The following FRAS1 variants were observed in gnomAD, a reference collection of about 807,000 sequenced individuals.
FRAS1 encodes the protein extracellular matrix organizing protein FRAS1.
A neutral mutation model predicts 435.2 loss-of-function variants in FRAS1; 290 were observed. The observed-to-expected ratio is 0.67, with a 90% CI of 0.61 to 0.73. FRAS1 has a LOEUF of 0.73. Among genes scored for constraint, FRAS1 ranks in the 30% least tolerant of loss-of-function variants. The pLI is 0.00. For missense variants in FRAS1, 4,860 were observed against 5,001.5 expected, an observed-to-expected ratio of 0.97 and a Z score of 0.85; for synonymous variants, 1,800 against 1,851.0, an observed-to-expected ratio of 0.97 and a Z score of 0.71.
chr4:78,429,136 A>G lies in FRAS1; in HGVS notation c.4753A>G (p.Ile1585Val), dbSNP rs1734114904. The change falls in exon 36 of 74, where the codon ATT becomes GTT. Residue 1585 changes from isoleucine to valine, a missense_variant. Ile to Val is a conservative substitution (Grantham distance 29, BLOSUM62 3). Coordinates refer to ENST00000512123, the MANE Select transcript of FRAS1 (RefSeq NM_025074.7). Reference protein sequence around the residue: ...EHTSPEMVLTIHLLPSDQQLP... With the variant: ...EHTSPEMVLTVHLLPSDQQLP... ...CACAAGTCCGGAGATGGTCCTCACC[A>G]TTCACTTACTTCCCAGTGATCAGCA... The G allele has an allele frequency of 6.3e-7, 1 of 1,577,096 alleles. No individual in the cohort carries two copies. Among genetic ancestry groups the G allele is most frequent in the Non-Finnish European group, 8.6e-7 (1 of 1,161,184 alleles).
At chr4:78,167,052 A>T (rs1721360405) in intron 2 of FRAS1, among the ~76,000 whole-genome samples, 1 of 152,222 alleles carries the variant, frequency 6.6e-6, no homozygotes, top group South Asian at 2.1e-4. Context: ...TGTTTAGCCC[A>T]TTGCGTAGTG....
At chr4:78,440,930 T>C (rs1734632231) in intron 40 of FRAS1, among the ~76,000 whole-genome samples, 2 of 151,782 alleles carry the variant, frequency 1.3e-5, no homozygotes, top group Non-Finnish European at 1.5e-5. Flanking sequence ...GAGTGCAACT[T>C]TGAAGGGAGA....
rs149848271 is a variant in FRAS1, at chr4:78,344,098, G to T, written c.2422+6281G>T. On this transcript the variant is annotated intron_variant, in intron 20 of 73. Coordinates refer to ENST00000512123, the MANE Select transcript of FRAS1 (RefSeq NM_025074.7). ...CTACCCATCCATCCCTCAATGCCTG[G>T]TTCAGATTCCTTCCCCTCCAGGACC... Among the ~76,000 whole-genome samples the T allele has an allele frequency of 8.2e-3, 1,122 of 136,872 alleles. 17 individuals are homozygous for T. The highest frequency in any genetic ancestry group is 0.032 in the African/African-American group (1,045 of 33,118). The allele number at this position is 136,872 out of a possible 152,430, so 89.8% of individuals were successfully genotyped here.
At chr4:78,151,712 C>G (rs1296283814) in intron 2 of FRAS1, among the ~76,000 whole-genome samples, 1 of 152,124 alleles carries the variant, frequency 6.6e-6, no homozygotes, top group Non-Finnish European at 1.5e-5. Context: ...ACAAGTTCCT[C>G]TAGGTGTAAT....
At chr4:78,129,783 G>A (rs1719592694) in intron 2 of FRAS1, among the ~76,000 whole-genome samples, 1 of 152,082 alleles carries the variant, frequency 6.6e-6, no homozygotes, top group African/African-American at 2.4e-5. Flanking sequence ...ATTGATCTGA[G>A]GCCGAGGTCC....
intron 20 of FRAS1, among the ~76,000 whole-genome samples, chr4:78,343,920 C>G (rs1037273872): frequency 2.0e-5 from 3 of 152,142 alleles, no homozygotes; most frequent in Non-Finnish European, 2.9e-5. Flanking sequence ...CGCCCTATAT[C>G]TTGCTGTGGC....
intron 20 of FRAS1, among the ~76,000 whole-genome samples, chr4:78,356,962 A>G (rs1730881934): frequency 1.3e-5 from 2 of 152,064 alleles, no homozygotes; most frequent in Admixed American, 6.6e-5. Flanking sequence ...TTGACTTACA[A>G]TGTCTTGCAA....
Position 78,540,897 on chromosome 4 carries a change from C to A in FRAS1, c.11812C>A (p.Pro3938Thr). 5 of 1,613,906 alleles carry A rather than the reference C, an allele frequency of 3.1e-6. No individual in the cohort carries two copies. Among genetic ancestry groups the A allele is most frequent in the Non-Finnish European group, 4.2e-6 (5 of 1,179,876 alleles). ...RKCQKQRKKK[P>T]AEDILEEYPL... ...ATGCCAGAAACAGAGGAAGAAGAAG[C>A]CCGCAGAGGACATTTTGGAAGAATA... Residue 3938 changes from proline (P) to threonine (T), a missense_variant, in exon 74 of 74, where the codon CCC (proline) becomes ACC (threonine). Coordinates refer to ENST00000512123, the MANE Select transcript of FRAS1 (RefSeq NM_025074.7).
intron 1 of FRAS1, among the ~76,000 whole-genome samples, chr4:78,065,378 T>A (rs1414308822): frequency 6.6e-6 from 1 of 151,748 alleles, no homozygotes; most frequent in Non-Finnish European, 1.5e-5. Context: ...CATTTCAACA[T>A]CCTTAGAAAG....
intron 64 of FRAS1, among the ~76,000 whole-genome samples, chr4:78,511,990 T>C (rs1721057102): frequency 6.6e-6 from 1 of 152,216 alleles, no homozygotes; most frequent in South Asian, 2.1e-4. Context: ...CTCTGCCCTT[T>C]AGTAGATGGT....
In FRAS1 at chr4:78,489,049, C is replaced by T; in HGVS notation, c.8927C>T (p.Ser2976Phe). The T allele has an allele frequency of 6.2e-7, 1 of 1,613,418 alleles. No individual in the cohort carries two copies. Among genetic ancestry groups the T allele is most frequent in the Non-Finnish European group, 8.5e-7 (1 of 1,179,664 alleles). The stretch of plus-strand genomic sequence containing the variant: ...TTTGAGGAGAGACAAAATGCAGACT[C>T]TTCACGGATTACATTTCTCAAAGGG... ...EDFEERQNADSSRITFLKGDK... is the reference protein window; with the variant it reads ...EDFEERQNADFSRITFLKGDK... Residue 2976 changes from serine (S) to phenylalanine (F), a missense_variant, in exon 59 of 74, where the codon TCT becomes TTT. Ser to Phe is a radical substitution (Grantham distance 155). Transcript: ENST00000512123.
At chr4:78,265,487 C>T (rs1180014353) in intron 7 of FRAS1, among the ~76,000 whole-genome samples, 1 of 152,102 alleles carries the variant, frequency 6.6e-6, no homozygotes, top group Non-Finnish European at 1.5e-5. Flanking sequence ...GAGACCGTCC[C>T]CTCACACCCC....
At chr4:78,424,682 C>T (rs1276738613) in intron 35 of FRAS1, among the ~76,000 whole-genome samples, 2 of 152,040 alleles carry the variant, frequency 1.3e-5, no homozygotes, top group Non-Finnish European at 2.9e-5. Context: ...GTGGCTTATG[C>T]CTGTAGTCCA....
chr4:78,444,069 G>A, intron 41 of FRAS1: 1 of 422,244 alleles, frequency 2.4e-6, no homozygotes. Context: ...TGCCTAGTCT[G>A]GTCTTGAAGT....
Position 78,464,463 on chromosome 4 carries a change from C to T in FRAS1, c.6909C>T (p.Ile2303=), listed in dbSNP as rs1719463867. Reference sequence around the variant, plus strand: ...TCTAGGTGACTCAGACTTTCCATATCACTCTTCACCCTGTCGATGATTCGC... The same window carrying T: ...TCTAGGTGACTCAGACTTTCCATATTACTCTTCACCCTGTCGATGATTCGC... The part of the protein sequence containing the change: ...GVSEVTQTFH[I]TLHPVDDSLP... Residue 2303 remains isoleucine (I), a synonymous_variant, in exon 49 of 74, where the codon ATC becomes ATT. Coordinates refer to ENST00000512123, the MANE Select transcript of FRAS1 (RefSeq NM_025074.7). 1 of 1,613,994 alleles carries T rather than the reference C, an allele frequency of 6.2e-7. No homozygotes were observed. The highest frequency in any genetic ancestry group is 8.5e-7 in the Non-Finnish European group (1 of 1,179,866).
chr4:78,337,633 T>A (rs989423748), intron 19 of FRAS1, 41 bp from the exon 20 acceptor site: 1 of 1,594,464 alleles, frequency 6.3e-7, no homozygotes, highest in Admixed American at 1.7e-5. Context: ...ATATACATGC[T>A]GAGCTGCTAA....
In FRAS1 at chr4:78,407,773, A is replaced by G; in HGVS notation, c.4240A>G (p.Ile1414Val). 1 of 1,613,948 alleles carries G rather than the reference A, an allele frequency of 6.2e-7. No individual in the cohort carries two copies. Among genetic ancestry groups the G allele is most frequent in the Non-Finnish European group, 8.5e-7 (1 of 1,179,842 alleles). The change falls in exon 31 of 74, where the codon ATC becomes GTC. Residue 1414 changes from isoleucine (I) to valine (V), a missense_variant. By Grantham distance (29) the Ile-to-Val change is conservative. Transcript: ENST00000512123. Reference protein sequence around the residue: ...TPTSTFTQQDINEGIVWYRHS... With the variant: ...TPTSTFTQQDVNEGIVWYRHS... Reference sequence around the variant, plus strand: ...CACCAGCACCTTCACCCAGCAGGACATCAATGAAGGCATCGTATGGTACAG... The same window carrying G: ...CACCAGCACCTTCACCCAGCAGGACGTCAATGAAGGCATCGTATGGTACAG...
intron 2 of FRAS1, among the ~76,000 whole-genome samples, chr4:78,087,220 A>G (rs970300826): frequency 1.3e-5 from 2 of 152,232 alleles, no homozygotes. Context: ...GACAAAATTC[A>G]ACAACACTTC....
chr4:78,191,891 A>C (rs970161653), intron 2 of FRAS1, among the ~76,000 whole-genome samples: 1 of 152,172 alleles, frequency 6.6e-6, no homozygotes, highest in Non-Finnish European at 1.5e-5. Context: ...TTATGGCTGT[A>C]TAGTATTCCA....
Sources: gnomAD v4.1 joint callset for allele counts (sites outside exome capture counted in the v4.1 genomes callset) on GRCh38, gnomAD v4.1.1 for gene constraint, MANE v1.5 for transcripts, NCBI Gene and HGNC (gene_info 2026-07-23, HGNC 2026-07-21) for gene names.